The following ATRNL1 variants were observed in gnomAD, a reference collection of about 807,000 sequenced individuals.
ATRNL1 encodes attractin-like protein 1.
A neutral mutation model predicts 182.7 loss-of-function variants in ATRNL1; 95 were observed. That is an observed-to-expected ratio of 0.52 (90% confidence interval 0.44 to 0.62). ATRNL1 has a LOEUF of 0.62. Ranked by LOEUF, ATRNL1 falls within the 20% of genes least tolerant of loss-of-function variation. The pLI, the probability that ATRNL1 is intolerant of heterozygous loss-of-function variation, is 0.00. For synonymous variants in ATRNL1, 576 were observed against 568.3 expected, an observed-to-expected ratio of 1.01 and a Z score of -0.19; for missense variants, 1,471 against 1,679.5, an observed-to-expected ratio of 0.88 and a Z score of 2.17.
chr10:115,664,996 A>G (rs1860919183), intron 26 of ATRNL1, among the ~76,000 whole-genome samples: 1 of 152,142 alleles, frequency 6.6e-6, no homozygotes. Flanking sequence ...AAATAGTTCA[A>G]CACAGGAACA....
intron 19 of ATRNL1, among the ~76,000 whole-genome samples, chr10:115,354,416 GTCTT>G (rs1222179741): frequency 6.6e-6 from 1 of 151,968 alleles, no homozygotes; most frequent in Non-Finnish European, 1.5e-5. Context: ...GTCTGGGAAA[GTCTT>G]TATTTCTCCT....
At position 115,423,251 on chromosome 10, in the gene ATRNL1, T is replaced by C. The variant is rs151323974; in HGVS notation, c.3270-2999T>C. Among the ~76,000 whole-genome samples the C allele has an allele frequency of 2.0e-5, 3 of 152,128 alleles. No individual in the cohort carries two copies. The East Asian group carries it at 5.8e-4, about 29-fold the overall frequency. On this transcript the variant is annotated intron_variant, in intron 20 of 28. Coordinates refer to ENST00000355044, the MANE Select transcript of ATRNL1 (RefSeq NM_207303.4). ...ACCCATAAACATTAAAAGGTAAAAA[T>C]TGGCCAGGTGCGGTGGCTCAAACTG...
intron 26 of ATRNL1, among the ~76,000 whole-genome samples, chr10:115,694,193 C>CAG (rs1946482858): frequency 6.6e-6 from 1 of 151,604 alleles, no homozygotes; most frequent in South Asian, 2.1e-4. Context: ...CACACACACA[C>CAG]ACACACACAC....
chr10:115,200,458 A>G (rs1554892084), intron 8 of ATRNL1, among the ~76,000 whole-genome samples: 4 of 145,656 alleles, frequency 2.7e-5, no homozygotes, highest in Non-Finnish European at 4.5e-5. Context: ...ATTCCCATCT[A>G]TGAGTGAGAA....
chr10:115,921,667 A>G (rs1441590151), intron 28 of ATRNL1, among the ~76,000 whole-genome samples: 1 of 152,210 alleles, frequency 6.6e-6, no homozygotes, highest in Non-Finnish European at 1.5e-5. Flanking sequence ...AGGTGTTGAG[A>G]ACAAGTAGTA....
At chr10:115,147,592 T>C (rs1040550536) in intron 5 of ATRNL1, among the ~76,000 whole-genome samples, 12 of 152,018 alleles carry the variant, frequency 7.9e-5, no homozygotes, top group African/African-American at 2.9e-4. Flanking sequence ...AGTAGTTTGA[T>C]AGTTTTGGGT....
chr10:115,621,002 T>C (rs1276903994), intron 26 of ATRNL1, among the ~76,000 whole-genome samples: 1 of 152,070 alleles, frequency 6.6e-6, no homozygotes, highest in Non-Finnish European at 1.5e-5. Context: ...GGTTAATTCC[T>C]TGTCGCCTTG....
intron 28 of ATRNL1, among the ~76,000 whole-genome samples, chr10:115,925,497 G>T (rs1953200475): frequency 6.6e-6 from 1 of 152,080 alleles, no homozygotes; most frequent in Non-Finnish European, 1.5e-5. Context: ...CCATCAGCGT[G>T]CTGTATTCAG....
At chr10:115,461,587 A>G (rs1388680190) in intron 21 of ATRNL1, among the ~76,000 whole-genome samples, 3 of 152,124 alleles carry the variant, frequency 2.0e-5, no homozygotes, top group African/African-American at 7.2e-5. Flanking sequence ...TCTAACTGGA[A>G]TAAAATGCAC....
chr10:115,427,447 C>A (rs1032296819), intron 21 of ATRNL1, among the ~76,000 whole-genome samples: 3 of 152,040 alleles, frequency 2.0e-5, no homozygotes, highest in Non-Finnish European at 2.9e-5. Flanking sequence ...TCTTGAAGAA[C>A]AGATTTTAAT....
At chr10:115,645,315 A>T (rs1043350541) in intron 26 of ATRNL1, among the ~76,000 whole-genome samples, 6 of 151,118 alleles carry the variant, frequency 4.0e-5, no homozygotes, top group African/African-American at 1.5e-4. Flanking sequence ...ATCTAAATAC[A>T]TTGTTTCTTG....
chr10:115,206,580 A>T (rs1415541138), intron 8 of ATRNL1, among the ~76,000 whole-genome samples: 1 of 152,104 alleles, frequency 6.6e-6, no homozygotes, highest in Non-Finnish European at 1.5e-5. Context: ...TTTAACAGTA[A>T]ATTATCATTT....
chr10:115,760,444 C>T (rs1555073283), intron 27 of ATRNL1, among the ~76,000 whole-genome samples: 1 of 151,866 alleles, frequency 6.6e-6, no homozygotes, highest in African/African-American at 2.4e-5. Flanking sequence ...TTTAAACATT[C>T]CTAAATGGTA....
intron 26 of ATRNL1, among the ~76,000 whole-genome samples, chr10:115,618,724 A>G (rs1857565146): frequency 6.6e-6 from 1 of 152,100 alleles, no homozygotes; most frequent in Non-Finnish European, 1.5e-5. Context: ...TTAGATCACC[A>G]GTTTTTCCCT....
chr10:115,233,415 T>G (rs1850042357), intron 9 of ATRNL1, among the ~76,000 whole-genome samples: 1 of 152,186 alleles, frequency 6.6e-6, no homozygotes, highest in Non-Finnish European at 1.5e-5. Flanking sequence ...TTTTTGTAAT[T>G]TATGTGTAGA....
chr10:115,196,240 G>A (rs1195118650), intron 8 of ATRNL1, among the ~76,000 whole-genome samples: 2 of 152,086 alleles, frequency 1.3e-5, no homozygotes, highest in African/African-American at 2.4e-5. Context: ...TGGTATCTGT[G>A]TAGAAAAATC....
Position 115,668,338 on chromosome 10 carries a change from C to G in ATRNL1, c.3796-58910C>G, listed in dbSNP as rs1029663289. Among the ~76,000 whole-genome samples the G allele has an allele frequency of 3.3e-5, 5 of 152,114 alleles. No homozygotes were observed. In the South Asian group the frequency reaches 1.0e-3, roughly 31 times the overall value. ...TGCTTGATCCTGTTTCATCTATTCT[C>G]AAAAATTAGTTATGTTGCTTTATCT... On this transcript the variant is annotated intron_variant, in intron 26 of 28. Transcript: ENST00000355044.
chr10:115,451,323 C>G (rs1847269870), intron 21 of ATRNL1, among the ~76,000 whole-genome samples: 1 of 152,050 alleles, frequency 6.6e-6, no homozygotes, highest in Non-Finnish European at 1.5e-5. Context: ...CAGAAACTAT[C>G]AACTATCCTG....
intron 27 of ATRNL1, among the ~76,000 whole-genome samples, chr10:115,795,303 T>C (rs1555082663): frequency 1.3e-5 from 2 of 152,206 alleles, no homozygotes; most frequent in Non-Finnish European, 2.9e-5. Flanking sequence ...TGGCTAAAAT[T>C]CTGATCCAGA....
Sources: gnomAD v4.1 joint callset for allele counts (sites outside exome capture counted in the v4.1 genomes callset) on GRCh38, gnomAD v4.1.1 for gene constraint, MANE v1.5 for transcripts, NCBI Gene and HGNC (gene_info 2026-07-23, HGNC 2026-07-21) for gene names.